SGCZ: variants seen among roughly 807,000 people sequenced by gnomAD.
The protein encoded by SGCZ is zeta-sarcoglycan.
In SGCZ, 40 loss-of-function variants were observed where a neutral mutation model predicts 41.3. The observed-to-expected ratio is 0.97, with a 90% CI of 0.75 to 1.26. The LOEUF is 1.26. SGCZ is among the 50% of genes most tolerant of loss of function. The pLI is 0.00. For synonymous variants in SGCZ, 206 were observed against 137.5 expected (o/e 1.50, Z -3.49); for missense variants, 552 against 369.8 (o/e 1.49, Z -4.04).
chr8:14,125,224 G>C (rs1802814611), intron 5 of SGCZ, among the ~76,000 whole-genome samples: 3 of 152,134 alleles, frequency 2.0e-5, no homozygotes, highest in Admixed American at 2.0e-4. Flanking sequence ...GCTCACGCCT[G>C]CAATCCCAGC....
chr8:14,532,385 T>G (rs1464517378), intron 2 of SGCZ, among the ~76,000 whole-genome samples: 2 of 152,056 alleles, frequency 1.3e-5, no homozygotes, highest in Non-Finnish European at 2.9e-5. Context: ...ATAATGGTCT[T>G]TGGAGCCACC....
At chr8:15,153,376 T>C (rs1280072039) in intron 1 of SGCZ, among the ~76,000 whole-genome samples, 2 of 152,298 alleles carry the variant, frequency 1.3e-5, no homozygotes, top group African/African-American at 4.8e-5. Context: ...TAAAGCCAGG[T>C]TATTATACAA....
intron 2 of SGCZ, among the ~76,000 whole-genome samples, chr8:14,492,013 T>C (rs942243162): frequency 2.6e-5 from 4 of 152,212 alleles, no homozygotes; most frequent in Non-Finnish European, 5.9e-5. Flanking sequence ...TGTCTCATCA[T>C]TAATGTTTGT....
At position 14,573,218 on chromosome 8, in the gene SGCZ, G is replaced by T. The variant is rs113349152; in HGVS notation, c.40-18292C>A. On this transcript the variant is annotated intron_variant, in intron 1 of 7. Transcript: ENST00000382080. Reference sequence around the variant, plus strand: ...TTTTTTTTTTTTTTTTTTTTTTTGAGACGGAGTCTCGCTCTGTCGCCCAGG... The same window carrying T: ...TTTTTTTTTTTTTTTTTTTTTTTGATACGGAGTCTCGCTCTGTCGCCCAGG... Among the ~76,000 whole-genome samples the T allele has an allele frequency of 7.4e-3, 719 of 96,718 alleles. 4 individuals carry two copies. The highest frequency in any genetic ancestry group is 0.03 in the African/African-American group (675 of 22,444). 63.5% of individuals were successfully genotyped at this position (96,718 alleles called of 152,430 possible).
chr8:14,769,793 TAA>T (rs565416806), intron 1 of SGCZ, among the ~76,000 whole-genome samples: 13 of 52,202 alleles, frequency 2.5e-4, no homozygotes, highest in East Asian at 1.1e-3. Flanking sequence ...AAAACACCAT[TAA>T]AAAAAAAAAA....
intron 1 of SGCZ, among the ~76,000 whole-genome samples, chr8:14,809,672 T>C (rs1445982915): frequency 2.0e-5 from 3 of 152,112 alleles, no homozygotes; most frequent in African/African-American, 7.2e-5. Context: ...CTATCAAAAT[T>C]CATGCATCTA....
chr8:14,233,210 T>C (rs1453518273), intron 4 of SGCZ, among the ~76,000 whole-genome samples: 4 of 152,016 alleles, frequency 2.6e-5, no homozygotes, highest in African/African-American at 7.2e-5. Context: ...ATAAGGCACA[T>C]GAGAAAGGAA....
intron 2 of SGCZ, among the ~76,000 whole-genome samples, chr8:14,514,034 G>A (rs1245516229): frequency 6.6e-6 from 1 of 152,084 alleles, no homozygotes; most frequent in African/African-American, 2.4e-5. Context: ...GGACTTTGAT[G>A]AGCATAATAA....
At chr8:14,795,038 T>C (rs1193359477) in intron 1 of SGCZ, among the ~76,000 whole-genome samples, 1 of 152,186 alleles carries the variant, frequency 6.6e-6, no homozygotes, top group African/African-American at 2.4e-5. Context: ...ATGGAGGATA[T>C]GGTTTACAAA....
At chr8:14,635,556 ATAAT>A (rs1806800715) in intron 1 of SGCZ, among the ~76,000 whole-genome samples, 1 of 151,952 alleles carries the variant, frequency 6.6e-6, no homozygotes, top group Non-Finnish European at 1.5e-5. Context: ...AATTCCAGAA[ATAAT>A]TCGTAAGTTT....
chr8:15,235,407 C>T (rs1050015462), intron 1 of SGCZ, among the ~76,000 whole-genome samples: 2 of 152,186 alleles, frequency 1.3e-5, no homozygotes, highest in African/African-American at 4.8e-5. Context: ...AGTAGCTTGT[C>T]CTTGACATAA....
chr8:14,956,483 A>G (rs1249257541), intron 1 of SGCZ, among the ~76,000 whole-genome samples: 1 of 152,210 alleles, frequency 6.6e-6, no homozygotes, highest in African/African-American at 2.4e-5. Context: ...ACATATTTTT[A>G]TAACACTTGC....
intron 2 of SGCZ, among the ~76,000 whole-genome samples, chr8:14,488,693 A>C (rs1048014438): frequency 1.3e-5 from 2 of 152,086 alleles, no homozygotes; most frequent in Non-Finnish European, 2.9e-5. Context: ...AATCACATTG[A>C]CCAACCACTC....
intron 3 of SGCZ, among the ~76,000 whole-genome samples, chr8:14,274,559 T>A (rs1260451956): frequency 6.6e-6 from 1 of 152,164 alleles, no homozygotes; most frequent in African/African-American, 2.4e-5. Context: ...TTTAATACAG[T>A]CTTCACTTAG....
intron 1 of SGCZ, among the ~76,000 whole-genome samples, chr8:15,074,747 T>C (rs1036665797): frequency 6.6e-6 from 1 of 151,988 alleles, no homozygotes; most frequent in East Asian, 1.9e-4. Context: ...CTATTGACAA[T>C]GTTCCTTTTG....
chr8:14,646,222 T>C (rs1807210688), intron 1 of SGCZ, among the ~76,000 whole-genome samples: 1 of 148,644 alleles, frequency 6.7e-6, no homozygotes, highest in Admixed American at 6.7e-5. Flanking sequence ...TCTCTAGTAG[T>C]TGCCAGTATC....
chr8:14,101,472 T>C (rs1336847861), intron 7 of SGCZ, among the ~76,000 whole-genome samples: 1 of 152,240 alleles, frequency 6.6e-6, no homozygotes, highest in Non-Finnish European at 1.5e-5. Flanking sequence ...AATAATCATG[T>C]ATACTTATCA....
intron 1 of SGCZ, among the ~76,000 whole-genome samples, chr8:14,605,514 A>AT (rs1211767815): frequency 6.6e-6 from 1 of 151,826 alleles, no homozygotes; most frequent in Admixed American, 6.6e-5. Flanking sequence ...ATCTTTTTCT[A>AT]TTTTTTTGTA....
chr8:14,548,785 T>A (rs1803709171), intron 2 of SGCZ, among the ~76,000 whole-genome samples: 1 of 152,060 alleles, frequency 6.6e-6, no homozygotes, highest in Non-Finnish European at 1.5e-5. Context: ...TTCAGAAAAA[T>A]CAGAATATCC....
Sources: gnomAD v4.1 joint callset for allele counts (sites outside exome capture counted in the v4.1 genomes callset) on GRCh38, gnomAD v4.1.1 for gene constraint, MANE v1.5 for transcripts, NCBI Gene and HGNC (gene_info 2026-07-23, HGNC 2026-07-21) for gene names.